DCUN1D2: variants seen among roughly 807,000 people sequenced by gnomAD.
DCUN1D2 encodes DCN1-like protein 2.
In DCUN1D2, 29 loss-of-function variants were observed where a neutral mutation model predicts 30.9. The ratio of observed to expected loss-of-function variants is 0.94; its 90% confidence interval spans 0.70 to 1.28. The LOEUF (loss-of-function observed/expected upper bound fraction) is 1.28. Ranked by LOEUF, DCUN1D2 falls within the 50% of genes most tolerant of loss-of-function variation. The probability of loss-of-function intolerance (pLI) is 0.00; values close to 1 mark genes in which losing one functional copy is unlikely to be tolerated. For missense variants in DCUN1D2, 325 were observed against 316.9 expected, an observed-to-expected ratio of 1.03 and a Z score of -0.19; for synonymous variants, 121 against 115.3, an observed-to-expected ratio of 1.05 and a Z score of -0.32.
At chr13:113,465,364 C>A (rs1188172603) in intron 4 of DCUN1D2, among the ~76,000 whole-genome samples, 2 of 152,020 alleles carry the variant, frequency 1.3e-5, no homozygotes, top group Admixed American at 1.3e-4. Flanking sequence ...AAAGCATGAC[C>A]CAGACTTTCC....
Position 113,490,458 on chromosome 13 carries a change from G to A in DCUN1D2, c.3+209C>T, listed in dbSNP as rs949782484. On this transcript the variant is annotated intron_variant, in intron 1 of 6. Coordinates refer to ENST00000478244, the MANE Select transcript of DCUN1D2 (RefSeq NM_001014283.2). The surrounding 1 kb of genome is among the most constrained non-coding windows in gnomAD (Gnocchi z 5.2). ...TCCCGGTCGTCCCTCGCGGCTCCGG[G>A]TCAAACCCGCGCTCCCCGCGGTCCC... 66 of 471,660 alleles carry A rather than the reference G, an allele frequency of 1.4e-4. No individual in the cohort carries two copies. The highest frequency in any genetic ancestry group is 8.5e-4 in the Admixed American group (18 of 21,230). 29.2% of individuals were successfully genotyped at this position (471,660 alleles called of 1,614,324 possible).
rs1032172775 is a variant in DCUN1D2, at chr13:113,456,578, T to C, written c.*1451A>G. ...GGGGCAGCAAGGCACGCCTGTGACA[T>C]GAGAGTCTCGGCACGTGAGGTAGGG... On this transcript the variant is annotated 3_prime_UTR_variant, in exon 7 of 7. Transcript: ENST00000478244. The C allele has an allele frequency of 7.6e-6, 3 of 392,378 alleles. No individual in the cohort carries two copies. Among genetic ancestry groups the C allele is most frequent in the East Asian group, 3.6e-5 (1 of 27,618 alleles). The allele number at this position is 392,378 out of a possible 1,614,324, so 24.3% of individuals were successfully genotyped here. A position where few individuals can be genotyped will look rare whatever the true frequency, so the allele number is the denominator to read the frequency against.
intron 4 of DCUN1D2, among the ~76,000 whole-genome samples, chr13:113,472,967 ACCTCTGTCCTTCTGTCCCCCCGTG>A (rs1350266257): frequency 1.6e-5 from 2 of 122,374 alleles, no homozygotes; most frequent in African/African-American, 3.2e-5. Flanking sequence ...CTGCTCCCGT[ACCTCTGTCCTTCTGTCCCCCCGTG>A]CCTCTGTCCC....
In DCUN1D2 at chr13:113,474,191, T is replaced by C; in HGVS notation, c.453A>G (p.Thr151=). The C allele has an allele frequency of 6.2e-7, 1 of 1,614,194 alleles. No individual in the cohort carries two copies. Among genetic ancestry groups the C allele is most frequent in the Non-Finnish European group, 8.5e-7 (1 of 1,180,012 alleles). The change falls in exon 4 of 7, where the codon ACA becomes ACG. Residue 151 remains threonine (T), a synonymous_variant. Transcript: ENST00000478244. ...LPRLEQELKD[T]AKFKDFYQFT... ...ACTGATAAAAATCTTTAAACTTGGCTGTGTCCTTCAGCTCCTGCTCCAGTC... is the reference window on the plus strand; with the variant it reads ...ACTGATAAAAATCTTTAAACTTGGCCGTGTCCTTCAGCTCCTGCTCCAGTC...
intron 4 of DCUN1D2, among the ~76,000 whole-genome samples, chr13:113,463,785 CAG>C (rs71697221): frequency 0.16 from 23,909 of 151,820 alleles, 2,004 homozygotes; most frequent in Middle Eastern, 0.29. Flanking sequence ...CAGACACACA[CAG>C]AGACACACAG....
In DCUN1D2 at chr13:113,461,103, A is replaced by G; in HGVS notation, c.554T>C (p.Val185Ala). The change falls in exon 5 of 7, where the codon GTG becomes GCG. Residue 185 changes from valine (V) to alanine (A), a missense_variant. Val to Ala is a moderately conservative substitution (Grantham distance 64). Coordinates refer to ENST00000478244, the MANE Select transcript of DCUN1D2 (RefSeq NM_001014283.2). ...LEMAVAYWKLVLSGRFKFLDL... is the reference protein window; with the variant it reads ...LEMAVAYWKLALSGRFKFLDL... ...TAAAAATTTAAACCTTCCAGATAAC[A>G]CTAATTTCCAATACGCAACAGCCAT... 2 of 1,611,090 alleles carry G rather than the reference A, an allele frequency of 1.2e-6. No individual in the cohort carries two copies. The highest frequency in any genetic ancestry group is 2.2e-5 in the East Asian group (1 of 44,800).
intron 2 of DCUN1D2, 104 bp downstream of exon 2, chr13:113,483,736 C>A: frequency 8.8e-7 from 1 of 1,139,470 alleles, no homozygotes; most frequent in Non-Finnish European, 1.3e-6. Flanking sequence ...GGAGAAGCAA[C>A]GGCAGCCCGG....
intron 3 of DCUN1D2, chr13:113,478,885 T>C (rs2044660614): frequency 6.6e-6 from 1 of 150,454 alleles, no homozygotes. Context: ...GTGCCTTTAA[T>C]AAAGTTTTTT....
Position 113,488,052 on chromosome 13 carries a change from T to C in DCUN1D2, c.3+2615A>G, listed in dbSNP as rs1159816124. Among the ~76,000 whole-genome samples the C allele has an allele frequency of 6.6e-6, 1 of 152,182 alleles. No homozygotes were observed. The highest frequency in any genetic ancestry group is 1.5e-5 in the Non-Finnish European group (1 of 68,018). On this transcript the variant is annotated intron_variant, in intron 1 of 6. Coordinates refer to ENST00000478244, the MANE Select transcript of DCUN1D2 (RefSeq NM_001014283.2). This position sits in a 1 kb window ranked among gnomAD's most constrained non-coding sequence, Gnocchi z 4.3. ...GATAACCCCTTGAAGCCTCCCCTAA[T>C]GTGTGACAACACCATAACACCAGCA...
intron 1 of DCUN1D2, 57 bp from the exon 2 acceptor site, chr13:113,484,113 CT>C: frequency 6.2e-7 from 1 of 1,603,616 alleles, no homozygotes. Flanking sequence ...TTTGTCCCAG[CT>C]TTAGCCTAAC....
At chr13:113,483,707 CGAGCGCT>C in intron 2 of DCUN1D2, 126 bp downstream of exon 2, 2 of 797,746 alleles carry the variant, frequency 2.5e-6, no homozygotes, top group Non-Finnish European at 4.0e-6. Flanking sequence ...AGCTGAGCGC[CGAGCGCT>C]GAGCGTGGGG....
chr13:113,485,915 A>G (rs2044794373), intron 1 of DCUN1D2, among the ~76,000 whole-genome samples: 1 of 152,208 alleles, frequency 6.6e-6, no homozygotes, highest in Non-Finnish European at 1.5e-5. Flanking sequence ...GTGATATCAC[A>G]GGAATGAACG....
In DCUN1D2 at chr13:113,483,994, G is replaced by T; in HGVS notation, c.66C>A (p.Gly22=). 1.2e-6 allele frequency: 2 copies of T among 1,614,136 alleles called. No individual in the cohort carries two copies. The highest frequency in any genetic ancestry group is 1.7e-6 in the Non-Finnish European group (2 of 1,180,038). ...VRQFMACTQA[G]ERTAIYCLTQ... ...TTAAGCAGTAGATAGCAGTTCTCTC[G>T]CCAGCCTGAGTGCACGCCATAAACT... The change falls in exon 2 of 7, where the codon GGC becomes GGA. Residue 22 remains glycine (G), a synonymous_variant. Transcript: ENST00000478244.
chr13:113,463,665 G>A (rs887117479), intron 4 of DCUN1D2, among the ~76,000 whole-genome samples: 1 of 152,078 alleles, frequency 6.6e-6, no homozygotes, highest in Admixed American at 6.5e-5. Flanking sequence ...TAGGTTAACC[G>A]TTAGTTAAGA....
At chr13:113,474,339 A>G in intron 3 of DCUN1D2, 85 bp from the exon 4 acceptor site, 2 of 1,529,048 alleles carry the variant, frequency 1.3e-6, no homozygotes, top group African/African-American at 1.4e-5. Flanking sequence ...AACTGTGACC[A>G]GGCACGCAGC....
chr13:113,483,781 G>A (rs987938089), intron 2 of DCUN1D2, 59 bp downstream of exon 2: 2 of 1,538,800 alleles, frequency 1.3e-6, no homozygotes, highest in African/African-American at 2.7e-5. Context: ...TGGAAGTGCA[G>A]CGCGCAGGCC....
chr13:113,477,966 T>C (rs2044646319), intron 3 of DCUN1D2, among the ~76,000 whole-genome samples: 1 of 152,236 alleles, frequency 6.6e-6, no homozygotes, highest in African/African-American at 2.4e-5. Flanking sequence ...ATAATCATCT[T>C]ATGCATCTTC....
At chr13:113,489,105 C>G in intron 1 of DCUN1D2, 1 of 985,360 alleles carries the variant, frequency 1.0e-6, no homozygotes. Context: ...GCTGGCGGGC[C>G]AATCATGTTG....
At chr13:113,483,378 C>T (rs1477716833) in intron 2 of DCUN1D2, among the ~76,000 whole-genome samples, 1 of 152,180 alleles carries the variant, frequency 6.6e-6, no homozygotes, top group Admixed American at 6.5e-5. Context: ...ACTACCCGGG[C>T]AAGGAAAACA....
Sources: gnomAD v4.1 joint callset for allele counts (sites outside exome capture counted in the v4.1 genomes callset) on GRCh38, gnomAD v4.1.1 for gene constraint, Gnocchi (gnomAD v3.1) non-coding constraint, MANE v1.5 for transcripts, NCBI Gene and HGNC (gene_info 2026-07-23, HGNC 2026-07-21) for gene names.